Variants in TMSB15B observed in about 807,000 individuals in gnomAD.
TMSB15B encodes the protein thymosin beta-15B.
intron 1 of TMSB15B, among the ~76,000 whole-genome samples, chrX:103,922,496 G>A (rs1321592475): frequency 2.7e-5 from 3 of 109,456 alleles, no homozygotes; most frequent in African/African-American, 6.7e-5. Flanking sequence ...TCAGAATGAT[G>A]GTTTCCAGCT....
intron 1 of TMSB15B, among the ~76,000 whole-genome samples, chrX:103,944,804 G>GT (rs1261663477): frequency 1.8e-5 from 2 of 111,795 alleles, no homozygotes; most frequent in South Asian, 3.8e-4. Context: ...TTTCTTTTAT[G>GT]TTTTTTTGAG....
At chrX:103,927,503 G>C (rs2074971649) in intron 1 of TMSB15B, among the ~76,000 whole-genome samples, 1 of 111,668 alleles carries the variant, frequency 9.0e-6, no homozygotes. Flanking sequence ...TTGCTGGAGG[G>C]GGACTGGGCA....
chrX:103,944,653 C>T (rs1284483996), intron 1 of TMSB15B, among the ~76,000 whole-genome samples: 1 of 111,734 alleles, frequency 8.9e-6, no homozygotes, highest in Non-Finnish European at 1.9e-5. Context: ...CCATCTGCAC[C>T]AGTCTAGATC....
intron 1 of TMSB15B, among the ~76,000 whole-genome samples, chrX:103,940,470 G>A (rs1292762906): frequency 6.3e-5 from 7 of 111,444 alleles, no homozygotes; most frequent in Non-Finnish European, 1.1e-4. Flanking sequence ...GGGAAAACCC[G>A]TCTACTCAAG....
At chrX:103,942,655 G>T (rs2075015397) in intron 1 of TMSB15B, among the ~76,000 whole-genome samples, 1 of 112,001 alleles carries the variant, frequency 8.9e-6, no homozygotes, top group South Asian at 3.7e-4. Context: ...TTACTGTTGA[G>T]ATTTTAATTT....
At chrX:103,947,497 T>C (rs1556327603) in intron 1 of TMSB15B, among the ~76,000 whole-genome samples, 1 of 111,875 alleles carries the variant, frequency 8.9e-6, no homozygotes, top group Non-Finnish European at 1.9e-5. Flanking sequence ...AAGATATGTA[T>C]GTATGTATAT....
chrX:103,928,047 T>G, intron 1 of TMSB15B: 1 of 814,248 alleles, frequency 1.2e-6, no homozygotes, highest in Non-Finnish European at 1.7e-6. Flanking sequence ...TCTAATCTCT[T>G]TTTTTCCACC....
intron 1 of TMSB15B, among the ~76,000 whole-genome samples, chrX:103,955,590 A>G (rs1223396997): frequency 1.8e-5 from 2 of 111,143 alleles, no homozygotes; most frequent in Non-Finnish European, 3.8e-5. Context: ...ATAAGAATAT[A>G]GAAAAAAAGA....
intron 1 of TMSB15B, among the ~76,000 whole-genome samples, chrX:103,926,694 G>A (rs1235968060): frequency 9.0e-6 from 1 of 110,673 alleles, no homozygotes; most frequent in Non-Finnish European, 1.9e-5. Context: ...ACTCCTCCAT[G>A]GGGACCTGAT....
intron 1 of TMSB15B, among the ~76,000 whole-genome samples, chrX:103,950,101 C>G (rs1206680457): frequency 9.0e-6 from 1 of 111,419 alleles, no homozygotes; most frequent in Non-Finnish European, 1.9e-5. Context: ...ATAACCATGA[C>G]AGGAGCAATT....
intron 1 of TMSB15B, among the ~76,000 whole-genome samples, chrX:103,940,095 C>T (rs2075008709): frequency 1.8e-5 from 2 of 111,879 alleles, no homozygotes; most frequent in Admixed American, 9.4e-5. Context: ...TCTGTCGACC[C>T]CTGCTGGGAG....
Position 103,949,409 on chromosome X carries a change from T to C in TMSB15B, c.-720-12612T>C, listed in dbSNP as rs1349164966. 1.1e-4 allele frequency among the ~76,000 whole-genome samples: 12 copies of C among 112,255 alleles called. No individual in the cohort carries two copies. The Admixed American group carries it at 1.1e-3, about 11-fold the overall frequency. ...GCATGTTAGAAAGCTGTTGTAGTTA[T>C]CCAGATGAGAGATGATGGTGGATTC... On this transcript the variant is annotated intron_variant, in intron 1 of 3. Transcript: ENST00000419165.
At chrX:103,941,771 C>T (rs1259837615) in intron 1 of TMSB15B, among the ~76,000 whole-genome samples, 1 of 112,173 alleles carries the variant, frequency 8.9e-6, no homozygotes. Flanking sequence ...GTTCCCATTT[C>T]TCCACCTGCT....
At chrX:103,939,489 T>A (rs782774923) in intron 1 of TMSB15B, among the ~76,000 whole-genome samples, 3 of 110,446 alleles carry the variant, frequency 2.7e-5, no homozygotes, top group Non-Finnish European at 3.8e-5. Flanking sequence ...TCTCATGCTG[T>A]GTTTTTAAGC....
intron 1 of TMSB15B, among the ~76,000 whole-genome samples, chrX:103,923,891 T>A (rs1172125920): frequency 9.0e-6 from 1 of 111,421 alleles, no homozygotes; most frequent in Non-Finnish European, 1.9e-5. Flanking sequence ...AGCAGTGCTT[T>A]GTAATTCTCC....
chrX:103,939,176 A>G (rs1374430464), intron 1 of TMSB15B, among the ~76,000 whole-genome samples: 2 of 110,633 alleles, frequency 1.8e-5, no homozygotes, highest in Non-Finnish European at 3.8e-5. Context: ...TGTTCTTTCT[A>G]TTTCCTGAAT....
At chrX:103,921,293 G>C (rs181451688) in intron 1 of TMSB15B, among the ~76,000 whole-genome samples, 34 of 111,958 alleles carry the variant, frequency 3.0e-4, no homozygotes, top group Admixed American at 5.7e-4. Flanking sequence ...GGTGGCAGTA[G>C]CTCTTAGGTT....
At chrX:103,923,642 C>T (rs782164237) in intron 1 of TMSB15B, among the ~76,000 whole-genome samples, 1 of 111,801 alleles carries the variant, frequency 8.9e-6, no homozygotes, top group South Asian at 3.8e-4. Flanking sequence ...AGCGTGATGC[C>T]TCCAGCTTTG....
intron 1 of TMSB15B, among the ~76,000 whole-genome samples, chrX:103,924,455 G>C (rs1194633858): frequency 9.0e-6 from 1 of 111,662 alleles, no homozygotes; most frequent in African/African-American, 3.3e-5. Flanking sequence ...CCCCGTCCCA[G>C]GTGGAATAAA....
Sources: gnomAD v4.1 joint callset for allele counts (sites outside exome capture counted in the v4.1 genomes callset) on GRCh38, gnomAD v4.1.1 for gene constraint, MANE v1.5 for transcripts, NCBI Gene and HGNC (gene_info 2026-07-23, HGNC 2026-07-21) for gene names.